The following KCNK2 variants were observed in gnomAD, a reference collection of about 807,000 sequenced individuals.
The protein encoded by KCNK2 is potassium channel subfamily K member 2.
KCNK2 carries 21 observed loss-of-function variants against 40.5 expected under a neutral mutation model. The ratio of observed to expected loss-of-function variants is 0.52; its 90% CI spans 0.37 to 0.75. The LOEUF is 0.75. Ranked by LOEUF, KCNK2 falls within the 30% of genes least tolerant of loss-of-function variation. The pLI is 0.00. For synonymous variants in KCNK2, 191 were observed against 202.2 expected, an observed-to-expected ratio of 0.94 and a Z score of 0.47; for missense variants, 399 against 531.6, an observed-to-expected ratio of 0.75 and a Z score of 2.45.
intron 1 of KCNK2, among the ~76,000 whole-genome samples, chr1:215,035,721 T>C (rs972295941): frequency 1.3e-5 from 2 of 152,096 alleles, no homozygotes; most frequent in African/African-American, 2.4e-5. Context: ...AGTTTTTGTA[T>C]GAACATACGT....
rs552554182 is a variant in KCNK2, at chr1:215,087,148, C to G, written c.357+470C>G. Among the ~76,000 whole-genome samples, 13 of 152,316 alleles carry G rather than the reference C, an allele frequency of 8.5e-5. No individual in the cohort carries two copies. The South Asian group carries it at 2.1e-3, about 24-fold the overall frequency. ...GTGCTTTAATCTTGGCAGTGGCCAT[C>G]ATAAGATAGAAAAGATGAATTCATG... On this transcript the variant is annotated intron_variant, in intron 2 of 6. Transcript: ENST00000444842.
At chr1:215,165,894 G>C (rs924941640) in intron 3 of KCNK2, among the ~76,000 whole-genome samples, 3 of 152,130 alleles carry the variant, frequency 2.0e-5, no homozygotes, top group African/African-American at 7.2e-5. Flanking sequence ...ACTAAGGAAT[G>C]ATGGTTCCAG....
intron 3 of KCNK2, among the ~76,000 whole-genome samples, chr1:215,152,702 TATTTG>T (rs1662735753): frequency 6.6e-6 from 1 of 152,170 alleles, no homozygotes; most frequent in African/African-American, 2.4e-5. Context: ...GCTGTAGTGA[TATTTG>T]ATTTGTTTCT....
At chr1:215,165,927 A>T (rs1347047462) in intron 3 of KCNK2, among the ~76,000 whole-genome samples, 1 of 152,170 alleles carries the variant, frequency 6.6e-6, no homozygotes, top group Non-Finnish European at 1.5e-5. Context: ...TATACTGCTA[A>T]ACTCTTGCTA....
At chr1:215,149,602 T>G (rs1396514694) in intron 3 of KCNK2, among the ~76,000 whole-genome samples, 1 of 152,226 alleles carries the variant, frequency 6.6e-6, no homozygotes, top group East Asian at 1.9e-4. Flanking sequence ...AGGTCAAAAC[T>G]CTGAATTACT....
chr1:215,229,586 C>T (rs1043833143), intron 6 of KCNK2, among the ~76,000 whole-genome samples: 1 of 151,834 alleles, frequency 6.6e-6, no homozygotes, highest in Non-Finnish European at 1.5e-5. Context: ...ATTGCTTGAG[C>T]CCAGGAGGTC....
At chr1:215,074,180 G>T (rs1000942526) in intron 1 of KCNK2, among the ~76,000 whole-genome samples, 3 of 152,206 alleles carry the variant, frequency 2.0e-5, no homozygotes, top group African/African-American at 7.2e-5. Context: ...TATGTTTAAG[G>T]GTTTTCTTCT....
At chr1:215,049,457 C>T (rs143624491) in intron 1 of KCNK2, among the ~76,000 whole-genome samples, 2,959 of 152,156 alleles carry the variant, frequency 0.019, 41 homozygotes, top group Middle Eastern at 0.044. Flanking sequence ...TTTTTATTCT[C>T]TTAACAGGTT....
intron 5 of KCNK2, among the ~76,000 whole-genome samples, chr1:215,182,813 G>A (rs746927694): frequency 6.6e-6 from 1 of 152,146 alleles, no homozygotes; most frequent in Non-Finnish European, 1.5e-5. Context: ...CCAGGTCTGG[G>A]AAAATGGCTG....
intron 1 of KCNK2, among the ~76,000 whole-genome samples, chr1:215,022,637 T>C (rs1223896097): frequency 1.3e-5 from 2 of 152,154 alleles, no homozygotes; most frequent in Non-Finnish European, 2.9e-5. Flanking sequence ...GGTCACGGGC[T>C]CCATTCAAAT....
intron 6 of KCNK2, among the ~76,000 whole-genome samples, chr1:215,208,975 C>A (rs1340157746): frequency 2.6e-5 from 4 of 151,492 alleles, no homozygotes; most frequent in Admixed American, 1.3e-4. Context: ...TTACAGACAC[C>A]TGCCACCACG....
chr1:215,008,828 G>A (rs1656277658), intron 1 of KCNK2, among the ~76,000 whole-genome samples: 1 of 151,870 alleles, frequency 6.6e-6, no homozygotes, highest in Admixed American at 6.6e-5. Context: ...ATCTACATGT[G>A]CAGTAAAAAA....
intron 3 of KCNK2, among the ~76,000 whole-genome samples, chr1:215,140,075 A>G (rs941381908): frequency 6.6e-6 from 1 of 152,170 alleles, no homozygotes; most frequent in African/African-American, 2.4e-5. Context: ...GTTTGCTGGC[A>G]TAAGTATCTG....
At chr1:215,094,752 A>C (rs1659905855) in intron 2 of KCNK2, among the ~76,000 whole-genome samples, 1 of 152,148 alleles carries the variant, frequency 6.6e-6, no homozygotes, top group African/African-American at 2.4e-5. Context: ...GAAGATTAAC[A>C]AGTTAATATT....
chr1:215,081,632 T>G (rs1659158029), upstream of KCNK2, among the ~76,000 whole-genome samples: 1 of 152,122 alleles, frequency 6.6e-6, no homozygotes, highest in African/African-American at 2.4e-5. Flanking sequence ...GAAGTTCTTG[T>G]AACTGGGAAA....
At chr1:215,075,274 T>C (rs904359453) in intron 1 of KCNK2, among the ~76,000 whole-genome samples, 1 of 152,240 alleles carries the variant, frequency 6.6e-6, no homozygotes, top group African/African-American at 2.4e-5. Context: ...AAAGATATTG[T>C]TGAATGTCAT....
chr1:215,124,683 C>T lies in KCNK2; in HGVS notation c.408C>T (p.Ser136=), dbSNP rs1174047839. ...GGATTATACCGTTAGGAAACACCTCCAATCAAATCAGTCACTGGGATTTGG... is the reference window on the plus strand; with the variant it reads ...GGATTATACCGTTAGGAAACACCTCTAATCAAATCAGTCACTGGGATTTGG... ...NAGIIPLGNT[S]NQISHWDLGS... is the part of the protein sequence containing the mutation. Residue 136 remains serine, a synonymous_variant, in exon 3 of 7, where the codon TCC becomes TCT. Transcript: ENST00000444842. 1.2e-6 allele frequency: 2 copies of T among 1,613,092 alleles called. No individual in the cohort carries two copies. Among genetic ancestry groups the T allele is most frequent in the Admixed American group, 3.3e-5 (2 of 60,016 alleles).
intron 6 of KCNK2, among the ~76,000 whole-genome samples, chr1:215,200,217 G>A (rs772637230): frequency 6.6e-6 from 1 of 152,152 alleles, no homozygotes; most frequent in Non-Finnish European, 1.5e-5. Flanking sequence ...TTGAAAGACT[G>A]TCCCTGAATT....
intron 6 of KCNK2, among the ~76,000 whole-genome samples, chr1:215,205,856 T>C (rs1303362118): frequency 6.6e-6 from 1 of 152,230 alleles, no homozygotes; most frequent in Admixed American, 6.5e-5. Flanking sequence ...TTAATAATAG[T>C]ATTGTTCAAG....
Sources: gnomAD v4.1 joint callset for allele counts (sites outside exome capture counted in the v4.1 genomes callset) on GRCh38, gnomAD v4.1.1 for gene constraint, MANE v1.5 for transcripts, NCBI Gene and HGNC (gene_info 2026-07-23, HGNC 2026-07-21) for gene names.